The following NRG3 variants were observed in gnomAD, a reference collection of about 807,000 sequenced individuals.
The protein encoded by NRG3 is pro-neuregulin-3, membrane-bound isoform.
In NRG3, 31 loss-of-function variants were observed where a neutral mutation model predicts 66.9. The ratio of observed to expected loss-of-function variants is 0.46; its 90% confidence interval spans 0.35 to 0.63. NRG3 has a LOEUF of 0.63. Ranked by LOEUF, NRG3 falls within the 20% of genes least tolerant of loss-of-function variation. NRG3 has a pLI of 0.00. For missense variants in NRG3, 910 were observed against 878.9 expected, an observed-to-expected ratio of 1.04 and a Z score of -0.45; for synonymous variants, 393 against 359.4, an observed-to-expected ratio of 1.09 and a Z score of -1.06.
chr10:82,782,301 T>G (rs1214226857), intron 3 of NRG3, among the ~76,000 whole-genome samples: 1 of 152,152 alleles, frequency 6.6e-6, no homozygotes, highest in Non-Finnish European at 1.5e-5. Context: ...GCTCAGCCCC[T>G]TCCCTTGTTC....
At chr10:82,889,819 A>T (rs1044077152) in intron 4 of NRG3, among the ~76,000 whole-genome samples, 39 of 152,182 alleles carry the variant, frequency 2.6e-4, no homozygotes, top group Non-Finnish European at 5.3e-4. Flanking sequence ...TGATGGCTCT[A>T]CAGTTGCCCT....
chr10:82,781,201 T>C (rs1358628736), intron 3 of NRG3, among the ~76,000 whole-genome samples: 1 of 152,178 alleles, frequency 6.6e-6, no homozygotes, highest in African/African-American at 2.4e-5. Context: ...TCTGTTGTGT[T>C]ATCTTTAAGG....
chr10:81,911,603 GT>G (rs796518872), intron 1 of NRG3, among the ~76,000 whole-genome samples: 6,008 of 77,884 alleles, frequency 0.077, 552 homozygotes, highest in African/African-American at 0.21. Context: ...GCACAGACTT[GT>G]TTTTTTTTTT....
At chr10:82,829,209 A>G (rs146859602) in intron 3 of NRG3, among the ~76,000 whole-genome samples, 1 of 152,186 alleles carries the variant, frequency 6.6e-6, no homozygotes, top group Admixed American at 6.6e-5. Context: ...GATTAAAAAA[A>G]AGAAAGATCT....
At chr10:82,530,025 G>A (rs1313459796) in intron 2 of NRG3, among the ~76,000 whole-genome samples, 1 of 152,108 alleles carries the variant, frequency 6.6e-6, no homozygotes, top group Non-Finnish European at 1.5e-5. Flanking sequence ...AGGCCAATAT[G>A]GGAATTTCTT....
chr10:81,967,385 T>A (rs1304901237), intron 1 of NRG3, among the ~76,000 whole-genome samples: 1 of 152,064 alleles, frequency 6.6e-6, no homozygotes, highest in Non-Finnish European at 1.5e-5. Context: ...TTCATAATTG[T>A]GAATGGGACT....
intron 1 of NRG3, among the ~76,000 whole-genome samples, chr10:82,227,770 A>G (rs2076242531): frequency 6.6e-6 from 1 of 152,240 alleles, no homozygotes; most frequent in Non-Finnish European, 1.5e-5. Flanking sequence ...TTACTCCAAG[A>G]TAGACTGGTA....
At chr10:82,555,332 G>A (rs916543394) in intron 2 of NRG3, among the ~76,000 whole-genome samples, 2 of 152,056 alleles carry the variant, frequency 1.3e-5, no homozygotes, top group African/African-American at 4.8e-5. Context: ...ATCCAAAAGA[G>A]CAGAACATTG....
intron 2 of NRG3, among the ~76,000 whole-genome samples, chr10:82,666,643 C>T (rs1417009262): frequency 1.3e-5 from 2 of 152,178 alleles, no homozygotes; most frequent in Non-Finnish European, 2.9e-5. Flanking sequence ...TCCATTTTGA[C>T]ATTGCCGTAT....
At chr10:81,930,396 G>A (rs1847227163) in intron 1 of NRG3, among the ~76,000 whole-genome samples, 1 of 151,874 alleles carries the variant, frequency 6.6e-6, no homozygotes, top group South Asian at 2.1e-4. Context: ...TATTGTAGAA[G>A]ATACAACTCA....
intron 2 of NRG3, among the ~76,000 whole-genome samples, chr10:82,532,127 T>C (rs1054010250): frequency 4.0e-5 from 6 of 151,868 alleles, no homozygotes; most frequent in Non-Finnish European, 5.9e-5. Flanking sequence ...GCATTTATCA[T>C]TTCTTTGTAT....
At chr10:82,435,031 C>G (rs1222609341) in intron 2 of NRG3, among the ~76,000 whole-genome samples, 1 of 152,122 alleles carries the variant, frequency 6.6e-6, no homozygotes, top group South Asian at 2.1e-4. Flanking sequence ...ACCAGCTCCT[C>G]TTTGTATTTA....
chr10:81,915,258 A>C (rs1845565775), intron 1 of NRG3, among the ~76,000 whole-genome samples: 1 of 151,366 alleles, frequency 6.6e-6, no homozygotes, highest in Non-Finnish European at 1.5e-5. Context: ...TCAGACCCTC[A>C]AGTGCTTGTT....
chr10:82,631,001 A>C (rs1590943865), intron 2 of NRG3, among the ~76,000 whole-genome samples: 1 of 152,184 alleles, frequency 6.6e-6, no homozygotes, highest in East Asian at 1.9e-4. Context: ...TGTTGCAATA[A>C]GTTTTCCAAG....
intron 2 of NRG3, among the ~76,000 whole-genome samples, chr10:82,394,835 C>G (rs2086617407): frequency 6.6e-6 from 1 of 152,156 alleles, no homozygotes; most frequent in Admixed American, 6.6e-5. Flanking sequence ...AGCTTTGCAA[C>G]TGCCAGGTGT....
intron 2 of NRG3, among the ~76,000 whole-genome samples, chr10:82,435,233 G>A (rs2090062045): frequency 6.6e-6 from 1 of 152,174 alleles, no homozygotes; most frequent in Non-Finnish European, 1.5e-5. Context: ...TATTTGCATA[G>A]AGGTGTTTAC....
chr10:82,467,818 C>T (rs952736427), intron 2 of NRG3, among the ~76,000 whole-genome samples: 2 of 152,194 alleles, frequency 1.3e-5, no homozygotes, highest in East Asian at 1.9e-4. Context: ...TTTCTTTCCT[C>T]CTTGGTAGAG....
chr10:82,419,438 C>T (rs1309170114), intron 2 of NRG3, among the ~76,000 whole-genome samples: 4 of 152,160 alleles, frequency 2.6e-5, no homozygotes, highest in East Asian at 1.9e-4. Context: ...AACACAACCT[C>T]GTTTTATAAA....
intron 2 of NRG3, among the ~76,000 whole-genome samples, chr10:82,552,858 A>C (rs560207651): frequency 2.6e-5 from 4 of 152,174 alleles, no homozygotes; most frequent in African/African-American, 4.8e-5. Context: ...TAAGAGACAA[A>C]GACCAAACTC....
Sources: allele counts gnomAD v4.1 joint callset (sites outside exome capture counted in the v4.1 genomes callset), GRCh38; gene constraint gnomAD v4.1.1; transcripts MANE v1.5; gene names NCBI Gene and HGNC (gene_info 2026-07-23, HGNC 2026-07-21).